TP53I3: variants seen among roughly 807,000 people sequenced by gnomAD.
TP53I3 encodes quinone oxidoreductase PIG3.
Under a neutral mutation model 27.7 loss-of-function variants are expected in TP53I3, and 32 were observed. The observed-to-expected ratio is 1.16, with a 90% CI of 0.87 to 1.55. The LOEUF (loss-of-function observed/expected upper bound fraction) is 1.55, where lower values mean the gene tolerates loss of function less well. Ranked by LOEUF, TP53I3 falls within the 40% of genes most tolerant of loss-of-function variation. TP53I3 has a pLI of 0.00. For synonymous variants in TP53I3, 138 were observed against 167.8 expected (o/e 0.82, Z 1.37); for missense variants, 372 against 412.3 (o/e 0.90, Z 0.85).
intron 3 of TP53I3, among the ~76,000 whole-genome samples, 170 bp from the exon 4 acceptor site, chr2:24,079,810 CTA>C (rs1664921164): frequency 6.6e-6 from 1 of 152,138 alleles, no homozygotes; most frequent in Non-Finnish European, 1.5e-5. Flanking sequence ...TAGCAGAACT[CTA>C]TGATAGCATG....
In TP53I3 at chr2:24,080,976, G is replaced by C; in HGVS notation, c.462C>G (p.Gly154=). 6.2e-7 allele frequency: 1 copy of C among 1,614,140 alleles called. No homozygotes were observed. The highest frequency in any genetic ancestry group is 8.5e-7 in the Non-Finnish European group (1 of 1,180,030). Residue 154 remains glycine, a synonymous_variant, in exon 3 of 5, where the codon GGC becomes GGG. Coordinates refer to ENST00000238721, the MANE Select transcript of TP53I3 (RefSeq NM_004881.5). The surrounding 1 kb of genome is among the most constrained non-coding windows in gnomAD (Gnocchi z 4.7). ...TCCGGGTGAGTTGGATAGCAGCTGT[G>C]CCCACACCACTCAGTCCTGCATGGA... is the stretch of plus-strand genomic sequence containing the variant. ...VLIHAGLSGV[G]TAAIQLTRMA...
Position 24,080,728 on chromosome 2 carries a change from C to G in TP53I3, c.619+91G>C. The G allele has an allele frequency of 6.6e-7, 1 of 1,516,386 alleles. No individual in the cohort carries two copies. Among genetic ancestry groups the G allele is most frequent in the South Asian group, 1.2e-5 (1 of 85,830 alleles). The allele number at this position is 1,516,386 out of a possible 1,614,324, so 93.9% of individuals were successfully genotyped here. A position where few individuals can be genotyped will look rare whatever the true frequency, so the allele number is the denominator to read the frequency against. On this transcript the variant is annotated intron_variant, in intron 3 of 4. Transcript: ENST00000238721. This position sits in a 1 kb window ranked among gnomAD's most constrained non-coding sequence, Gnocchi z 4.7. ...TGTTGTGCACTTAGCAGAGGTAAGA[C>G]TGATACACAGCACTGGCAACTTTGA...
chr2:24,080,510 CCTGTTAACTAAGTGTGGAATG>C lies in TP53I3; in HGVS notation c.619+288_619+308del, dbSNP rs1664951512. 6.6e-6 allele frequency among the ~76,000 whole-genome samples: 1 copy of C among 152,184 alleles called. No individual in the cohort carries two copies. The highest frequency in any genetic ancestry group is 2.4e-5 in the African/African-American group (1 of 41,440). On this transcript the variant is annotated intron_variant, in intron 3 of 4. Coordinates refer to ENST00000238721, the MANE Select transcript of TP53I3 (RefSeq NM_004881.5). This position sits in a 1 kb window ranked among gnomAD's most constrained non-coding sequence, Gnocchi z 4.7. ...CAAACTGGTCTCTGCCTCCAAGCCT[CCTGTTAACTAAGTGTGGAATG>C]GCTGGTTGGGAAGAAAAGGTGCTGG...
chr2:24,077,810 T>C lies in TP53I3; in HGVS notation c.817-49A>G. ...TCAGCCTGGGGAGAGAGCCTCACCC[T>C]GCCCTCCTCATCCTCCTCAGCCTTC... On this transcript the variant is annotated intron_variant, in intron 4 of 4. Transcript: ENST00000238721. This position sits in a 1 kb window ranked among gnomAD's most constrained non-coding sequence, Gnocchi z 5.5. 6.4e-7 allele frequency: 1 copy of C among 1,564,242 alleles called. No homozygotes were observed. The highest frequency in any genetic ancestry group is 8.7e-7 in the Non-Finnish European group (1 of 1,150,830).
At chr2:24,079,733 C>G (rs1380671022) in intron 3 of TP53I3, 93 bp from the exon 4 acceptor site, 8 of 1,234,618 alleles carry the variant, frequency 6.5e-6, no homozygotes, top group Non-Finnish European at 9.2e-6. Flanking sequence ...AATACAGATG[C>G]AAGTGGTAAA....
rs767745922 is a variant in TP53I3 at position 24,080,807 on chromosome 2, G to A, written c.619+12C>T. On this transcript the variant is annotated intron_variant, in intron 3 of 4. Coordinates refer to ENST00000238721, the MANE Select transcript of TP53I3 (RefSeq NM_004881.5). The surrounding 1 kb of genome is among the most constrained non-coding windows in gnomAD (Gnocchi z 4.7). The stretch of plus-strand genomic sequence containing the variant: ...CTTAAATTCCTGCTGAACTGTAGAA[G>A]CAGTTGTTTACCTTTGGTGAATTTC... The A allele has an allele frequency of 1.9e-6, 3 of 1,613,816 alleles. No individual in the cohort carries two copies. The Admixed American group carries it at 5.0e-5, about 27-fold the overall frequency.
chr2:24,077,632 A>G lies in TP53I3; in HGVS notation c.946T>C (p.Tyr316His). 1.2e-6 allele frequency: 2 copies of G among 1,613,692 alleles called. No individual in the cohort carries two copies. The highest frequency in any genetic ancestry group is 1.7e-6 in the Non-Finnish European group (2 of 1,179,810). The change falls in exon 5 of 5, where the codon TAC (tyrosine) becomes CAC (histidine). Residue 316 changes from tyrosine (Y) to histidine (H), a missense_variant. Coordinates refer to ENST00000238721, the MANE Select transcript of TP53I3 (RefSeq NM_004881.5). The surrounding 1 kb of genome is among the most constrained non-coding windows in gnomAD (Gnocchi z 5.5). ...CCTATGTTCTTGTTGGCCTCCATGT[A>G]CTTATGGGCCTCCTGGATTTCGGTC... ...PVTEIQEAHK[Y>H]MEANKNIGKI...
At position 24,084,529 on chromosome 2, in the gene TP53I3, GCTC is replaced by G; in HGVS notation, c.-206_-204del. ...GCCGCGGACCCGGCCTCCGCCCCGAGCTCCTGCCTGGGAAGTCCTCGGCCGCCT... is the reference window on the plus strand; with the variant it reads ...GCCGCGGACCCGGCCTCCGCCCCGAGCTGCCTGGGAAGTCCTCGGCCGCCT... On this transcript the variant is annotated 5_prime_UTR_variant, in exon 1 of 5. Coordinates refer to ENST00000238721, the MANE Select transcript of TP53I3 (RefSeq NM_004881.5). This position sits in a 1 kb window ranked among gnomAD's most constrained non-coding sequence, Gnocchi z 8.4. 1.5e-6 allele frequency: 1 copy of G among 670,358 alleles called. No homozygotes were observed. Among genetic ancestry groups the G allele is most frequent in the Non-Finnish European group, 2.3e-6 (1 of 433,074 alleles). 41.5% of individuals were successfully genotyped at this position (670,358 alleles called of 1,614,324 possible).
At chr2:24,078,382 A>T (rs1664851797) in intron 4 of TP53I3, among the ~76,000 whole-genome samples, 1 of 151,856 alleles carries the variant, frequency 6.6e-6, no homozygotes, top group South Asian at 2.1e-4. Flanking sequence ...TAAAAAATAC[A>T]AGCCAGGCAT....
Position 24,077,471 on chromosome 2 carries a change from C to T in TP53I3, c.*108G>A. ...TTTATTTCCTCATATCAGCTTTAAA[C>T]GGCTCTGGAGGAAGCACCGGGTTTC... is the stretch of plus-strand genomic sequence containing the variant. On this transcript the variant is annotated 3_prime_UTR_variant, in exon 5 of 5. Coordinates refer to ENST00000238721, the MANE Select transcript of TP53I3 (RefSeq NM_004881.5). The surrounding 1 kb of genome is among the most constrained non-coding windows in gnomAD (Gnocchi z 5.5). 9 of 1,298,212 alleles carry T rather than the reference C, an allele frequency of 6.9e-6. No homozygotes were observed. The highest frequency in any genetic ancestry group is 7.2e-6 in the Non-Finnish European group (7 of 971,400). 80.4% of individuals were successfully genotyped at this position (1,298,212 alleles called of 1,614,324 possible). A position where few individuals can be genotyped will look rare whatever the true frequency, so the allele number is the denominator to read the frequency against.
At chr2:24,083,400 T>C (rs1355382424) in intron 1 of TP53I3, among the ~76,000 whole-genome samples, 1 of 152,164 alleles carries the variant, frequency 6.6e-6, no homozygotes, top group Non-Finnish European at 1.5e-5. Flanking sequence ...CTGAACCCCT[T>C]GCTTTACAGA....
chr2:24,084,339 CACAGG>C lies in TP53I3; in HGVS notation c.-18_-14del. ...GCACGGCTAACATATTGTCTGAGGA[CACAGG>C]GCAGGGCAGGGCAGGACAGGACAGG... is the stretch of plus-strand genomic sequence containing the variant. On this transcript the variant is annotated 5_prime_UTR_variant, in exon 1 of 5. Coordinates refer to ENST00000238721, the MANE Select transcript of TP53I3 (RefSeq NM_004881.5). This position sits in a 1 kb window ranked among gnomAD's most constrained non-coding sequence, Gnocchi z 8.4. 2.5e-6 allele frequency: 4 copies of C among 1,603,964 alleles called. No individual in the cohort carries two copies. The highest frequency in any genetic ancestry group is 3.4e-6 in the Non-Finnish European group (4 of 1,175,138).
In TP53I3 at chr2:24,084,273, C is replaced by T. The variant is rs751570459; in HGVS notation, c.54G>A (p.Lys18=). 4 of 1,614,192 alleles carry T rather than the reference C, an allele frequency of 2.5e-6. No individual in the cohort carries two copies. The South Asian group carries it at 3.3e-5, about 13-fold the overall frequency. ...CCCCCGGGCTCGGCTTGGCCACCTCCTTCACGTAGAGGTTTTCCGGTCCTC... is the reference window on the plus strand; with the variant it reads ...CCCCCGGGCTCGGCTTGGCCACCTCTTTCACGTAGAGGTTTTCCGGTCCTC... ...KPGGPENLYV[K]EVAKPSPGEG... is the part of the protein sequence containing the mutation. The change falls in exon 1 of 5, where the codon AAG becomes AAA. Residue 18 remains lysine, a synonymous_variant. Transcript: ENST00000238721. This position sits in a 1 kb window ranked among gnomAD's most constrained non-coding sequence, Gnocchi z 8.4.
At chr2:24,079,297 G>A (rs1345687276) in intron 4 of TP53I3, 147 bp downstream of exon 4, 35 of 754,906 alleles carry the variant, frequency 4.6e-5, no homozygotes, top group Non-Finnish European at 4.4e-5. Context: ...CTCTGAAATC[G>A]GGTTCCCTCT....
rs903919265 is a variant in TP53I3, at chr2:24,079,612, G to A, written c.648C>T (p.Cys216=). The part of the protein sequence containing the change: ...KGAGVNLILD[C]IGGSYWEKNV... ...TCTTCTCCCAGTAGGATCCGCCTAT[G>A]CAGTCTAGAATAAGATTAACTCCAG... Residue 216 remains cysteine, a synonymous_variant, in exon 4 of 5, where the codon TGC becomes TGT. Coordinates refer to ENST00000238721, the MANE Select transcript of TP53I3 (RefSeq NM_004881.5). The A allele has an allele frequency of 6.2e-7, 1 of 1,614,122 alleles. No individual in the cohort carries two copies. The highest frequency in any genetic ancestry group is 8.5e-7 in the Non-Finnish European group (1 of 1,180,034).
chr2:24,079,518 C>T lies in TP53I3; in HGVS notation c.742G>A (p.Gly248Arg). 1 of 1,614,150 alleles carries T rather than the reference C, an allele frequency of 6.2e-7. No homozygotes were observed. Among genetic ancestry groups the T allele is most frequent in the Non-Finnish European group, 8.5e-7 (1 of 1,180,030 alleles). The stretch of plus-strand genomic sequence containing the variant: ...AAAAGTAGCTTTGAAAACAGGGGCC[C>T]ATTGATGTCACCTCCTCCCATCAGA... ...YGLMGGGDINGPLFSKLLFKR... is the reference protein window; with the variant it reads ...YGLMGGGDINRPLFSKLLFKR... Residue 248 changes from glycine (G) to arginine (R), a missense_variant, in exon 4 of 5, where the codon GGG becomes AGG. By Grantham distance (125) the Gly-to-Arg change is moderately radical. Coordinates refer to ENST00000238721, the MANE Select transcript of TP53I3 (RefSeq NM_004881.5).
rs1295690086 is a variant in TP53I3 at position 24,077,698 on chromosome 2, G to C, written c.880C>G (p.Pro294Ala). 6.2e-7 allele frequency: 1 copy of C among 1,614,076 alleles called. No homozygotes were observed. Among genetic ancestry groups the C allele is most frequent in the East Asian group, 2.2e-5 (1 of 44,874 alleles). Residue 294 changes from proline to alanine, a missense_variant, in exon 5 of 5, where the codon CCC becomes GCC. Pro to Ala is a conservative substitution (Grantham distance 27). Coordinates refer to ENST00000238721, the MANE Select transcript of TP53I3 (RefSeq NM_004881.5). The surrounding 1 kb of genome is among the most constrained non-coding windows in gnomAD (Gnocchi z 5.5). ...QILPHFSTEG[P>A]QRLLPVLDRI... ...TCCAGAACCGGCAGCAGACGTTGGG[G>C]GCCCTCCGTGGAGAAGTGAGGCAGA... is the stretch of plus-strand genomic sequence containing the variant.
intron 4 of TP53I3, chr2:24,078,781 C>T (rs898336901): frequency 9.2e-5 from 14 of 152,346 alleles, no homozygotes; most frequent in Admixed American, 3.9e-4. Flanking sequence ...GATGCTTAAG[C>T]TCTCCTGTCC....
In TP53I3 at chr2:24,077,477, TGGA is replaced by T. The variant is rs1490533404; in HGVS notation, c.*99_*101del. 17 of 1,365,170 alleles carry T rather than the reference TGGA, an allele frequency of 1.2e-5. No individual in the cohort carries two copies. In the African/African-American group the frequency reaches 2.1e-4, roughly 16 times the overall value. 84.6% of individuals were successfully genotyped at this position (1,365,170 alleles called of 1,614,324 possible). A position where few individuals can be genotyped will look rare whatever the true frequency, so the allele number is the denominator to read the frequency against. On this transcript the variant is annotated 3_prime_UTR_variant, in exon 5 of 5. Transcript: ENST00000238721. The surrounding 1 kb of genome is among the most constrained non-coding windows in gnomAD (Gnocchi z 5.5). The stretch of plus-strand genomic sequence containing the variant: ...TCCTCATATCAGCTTTAAACGGCTC[TGGA>T]GGAAGCACCGGGTTTCTTGGCCTGT...
Sources: gnomAD v4.1 joint callset for allele counts (sites outside exome capture counted in the v4.1 genomes callset) on GRCh38, gnomAD v4.1.1 for gene constraint, Gnocchi (gnomAD v3.1) non-coding constraint, MANE v1.5 for transcripts, NCBI Gene and HGNC (gene_info 2026-07-23, HGNC 2026-07-21) for gene names.